The following PTPRD variants were observed in gnomAD, a reference collection of about 807,000 sequenced individuals.
PTPRD encodes receptor-type tyrosine-protein phosphatase delta.
Under a neutral mutation model 214.5 loss-of-function variants are expected in PTPRD, and 34 were observed. That is an observed-to-expected ratio of 0.16 (90% CI 0.12 to 0.21). The LOEUF is 0.21. Among genes scored for constraint, PTPRD ranks in the 10% least tolerant of loss-of-function variants. The pLI is 1.00. For missense variants in PTPRD, 2,545 were observed against 2,398.7 expected (o/e 1.06, Z -1.27); for synonymous variants, 1,128 against 845.7 (o/e 1.33, Z -5.79).
Position 9,957,977 on chromosome 9 carries a change from A to T in PTPRD, c.-471-19367T>A, listed in dbSNP as rs114495356. Among the ~76,000 whole-genome samples, 122 of 152,308 alleles carry T rather than the reference A, an allele frequency of 8.0e-4. 2 individuals are homozygous for T. Among genetic ancestry groups the T allele is most frequent in the African/African-American group, 2.8e-3 (117 of 41,580 alleles). On this transcript the variant is annotated intron_variant, in intron 4 of 45. Transcript: ENST00000381196. ...AAAGCAAGGGCAATTCAATGGGGAA[A>T]AGGTATCTTTCAGCAAATCTTGGAA...
At chr9:8,621,067 T>C (rs1331056279) in intron 14 of PTPRD, among the ~76,000 whole-genome samples, 2 of 151,960 alleles carry the variant, frequency 1.3e-5, no homozygotes, top group Non-Finnish European at 2.9e-5. Flanking sequence ...CCGGAGATAC[T>C]AGTAAGTCTT....
chr9:8,812,737 C>T (rs944250379), intron 11 of PTPRD, among the ~76,000 whole-genome samples: 2 of 151,262 alleles, frequency 1.3e-5, no homozygotes, highest in Non-Finnish European at 2.9e-5. Context: ...CTCGGTGGGG[C>T]TTGAAGGCTA....
chr9:8,493,771 T>C (rs1036457685), intron 26 of PTPRD, among the ~76,000 whole-genome samples: 40 of 152,292 alleles, frequency 2.6e-4, no homozygotes, highest in African/African-American at 8.9e-4. Context: ...AATTGTTAAA[T>C]ATCACATACT....
At chr9:10,036,062 C>G (rs2097174887) in intron 3 of PTPRD, among the ~76,000 whole-genome samples, 1 of 152,094 alleles carries the variant, frequency 6.6e-6, no homozygotes, top group African/African-American at 2.4e-5. Flanking sequence ...CTTGGATATT[C>G]AACATTGGTA....
chr9:9,256,578 C>T (rs1466211262), intron 9 of PTPRD, among the ~76,000 whole-genome samples: 3 of 151,968 alleles, frequency 2.0e-5, no homozygotes, highest in Non-Finnish European at 4.4e-5. Context: ...TAAACTGCTT[C>T]AACCAATGTT....
At chr9:9,661,512 A>T (rs939436775) in intron 7 of PTPRD, among the ~76,000 whole-genome samples, 1 of 151,864 alleles carries the variant, frequency 6.6e-6, no homozygotes, top group African/African-American at 2.4e-5. Context: ...CAATTATGCT[A>T]AACTATGGTA....
intron 14 of PTPRD, among the ~76,000 whole-genome samples, chr9:8,547,148 T>C (rs2080418424): frequency 6.6e-6 from 1 of 152,176 alleles, no homozygotes; most frequent in African/African-American, 2.4e-5. Context: ...ATATATAATG[T>C]ACAAAAGTGA....
At chr9:9,179,854 T>G (rs2099927138) in intron 10 of PTPRD, among the ~76,000 whole-genome samples, 1 of 152,066 alleles carries the variant, frequency 6.6e-6, no homozygotes, top group African/African-American at 2.4e-5. Flanking sequence ...AGTTCTCAGG[T>G]CCCTCATCCT....
At chr9:8,968,777 A>G (rs1276196194) in intron 11 of PTPRD, among the ~76,000 whole-genome samples, 1 of 146,750 alleles carries the variant, frequency 6.8e-6, no homozygotes, top group Non-Finnish European at 1.5e-5. Context: ...ATTAAACAGT[A>G]AGTTTGTGTG....
At chr9:9,660,608 T>C (rs2096604681) in intron 7 of PTPRD, among the ~76,000 whole-genome samples, 1 of 152,010 alleles carries the variant, frequency 6.6e-6, no homozygotes, top group African/African-American at 2.4e-5. Flanking sequence ...ATATGATTAT[T>C]AAGTAGGCAT....
At chr9:9,761,743 A>T (rs1436480271) in intron 6 of PTPRD, among the ~76,000 whole-genome samples, 1 of 152,124 alleles carries the variant, frequency 6.6e-6, no homozygotes, top group East Asian at 1.9e-4. Context: ...ATTAAAAAAA[A>T]ACTATTCATT....
rs747817620 is a variant in PTPRD at position 8,946,453 on chromosome 9, G to A, written c.-104+72244C>T. Reference sequence around the variant, plus strand: ...CTCATTTTATTTATGGGAGTAATACGAGGTTAATAATACTGGACCTGGGAA... The same window carrying A: ...CTCATTTTATTTATGGGAGTAATACAAGGTTAATAATACTGGACCTGGGAA... On this transcript the variant is annotated intron_variant, in intron 11 of 45. Coordinates refer to ENST00000381196, the MANE Select transcript of PTPRD (RefSeq NM_002839.4). Among the ~76,000 whole-genome samples the A allele has an allele frequency of 6.6e-5, 10 of 152,176 alleles. No individual in the cohort carries two copies. The East Asian group carries it at 1.2e-3, about 18-fold the overall frequency.
intron 9 of PTPRD, among the ~76,000 whole-genome samples, chr9:9,204,062 C>A (rs943062564): frequency 1.3e-5 from 2 of 152,138 alleles, no homozygotes; most frequent in African/African-American, 4.8e-5. Context: ...TCTGGGTCAA[C>A]TTAGACTAAT....
At chr9:8,890,606 T>C (rs2098530862) in intron 11 of PTPRD, among the ~76,000 whole-genome samples, 1 of 152,252 alleles carries the variant, frequency 6.6e-6, no homozygotes, top group Admixed American at 6.5e-5. Flanking sequence ...AATGTACTTA[T>C]TAGACAGCTA....
intron 4 of PTPRD, among the ~76,000 whole-genome samples, chr9:9,987,175 GCTGA>G (rs1268776363): frequency 1.3e-5 from 2 of 152,086 alleles, no homozygotes; most frequent in East Asian, 1.9e-4. Context: ...CTCTGGGTAG[GCTGA>G]CTATTAATAG....
At chr9:9,426,454 C>T (rs2080963340) in intron 8 of PTPRD, among the ~76,000 whole-genome samples, 1 of 152,226 alleles carries the variant, frequency 6.6e-6, no homozygotes, top group Admixed American at 6.5e-5. Flanking sequence ...GGAGGCCTGC[C>T]TGCCTCTGTA....
At chr9:9,516,672 G>T (rs1439244578) in intron 8 of PTPRD, among the ~76,000 whole-genome samples, 1 of 151,956 alleles carries the variant, frequency 6.6e-6, no homozygotes, top group Non-Finnish European at 1.5e-5. Context: ...TCAGTAGCTG[G>T]GACTACAGGC....
intron 34 of PTPRD, among the ~76,000 whole-genome samples, chr9:8,438,391 G>A (rs1044193961): frequency 6.6e-6 from 1 of 152,162 alleles, no homozygotes; most frequent in Admixed American, 6.5e-5. Context: ...CAATAAAACT[G>A]AATTGCTTGC....
chr9:9,237,328 G>A (rs1431325384), intron 9 of PTPRD, among the ~76,000 whole-genome samples: 3 of 152,106 alleles, frequency 2.0e-5, no homozygotes, highest in Non-Finnish European at 4.4e-5. Context: ...ACTTTGGGAG[G>A]CCAAGGCAGG....
Sources: allele counts gnomAD v4.1 joint callset (sites outside exome capture counted in the v4.1 genomes callset), GRCh38; gene constraint gnomAD v4.1.1; transcripts MANE v1.5; gene names NCBI Gene and HGNC (gene_info 2026-07-23, HGNC 2026-07-21).